Variants in TAX1BP1 observed in about 807,000 individuals in gnomAD.
TAX1BP1 encodes the protein Tax1 binding protein 1, also known as tax1-binding protein 1.
TAX1BP1 carries 62 observed loss-of-function variants against 97.7 expected under a neutral mutation model. That is an observed-to-expected ratio of 0.63 (90% CI 0.52 to 0.78). The LOEUF (loss-of-function observed/expected upper bound fraction) is 0.78. TAX1BP1 is among the 30% of genes least tolerant of loss of function. The pLI, the probability that TAX1BP1 is intolerant of heterozygous loss-of-function variation, is 0.00. For synonymous variants in TAX1BP1, 340 were observed against 304.2 expected, an observed-to-expected ratio of 1.12 and a Z score of -1.23; for missense variants, 867 against 916.1, an observed-to-expected ratio of 0.95 and a Z score of 0.69.
At chr7:27,748,873 C>T (rs918000431) in intron 2 of TAX1BP1, among the ~76,000 whole-genome samples, 187 bp downstream of exon 2, 10 of 152,132 alleles carry the variant, frequency 6.6e-5, no homozygotes, top group Non-Finnish European at 1.3e-4. Context: ...ACCAGATTTT[C>T]CTCTCCCTGA....
upstream of TAX1BP1, chr7:27,739,536 G>C (rs773984410): frequency 4.6e-5 from 7 of 152,144 alleles, no homozygotes; most frequent in Admixed American, 2.0e-4. Context: ...AAAATGATAC[G>C]GATAACAAAA....
chr7:27,820,921 A>G (rs530794377), intron 15 of TAX1BP1, among the ~76,000 whole-genome samples: 69 of 152,340 alleles, frequency 4.5e-4, no homozygotes, highest in African/African-American at 1.6e-3. Context: ...AGATTTTGGA[A>G]TATTTGCATT....
chr7:27,766,384 C>T (rs1198963745), intron 4 of TAX1BP1, among the ~76,000 whole-genome samples: 7 of 120,360 alleles, frequency 5.8e-5, no homozygotes, highest in African/African-American at 2.0e-4. Flanking sequence ...CGTGCCACTG[C>T]ACTCCAGCCT....
chr7:27,775,144 C>A (rs1225896987), intron 5 of TAX1BP1, among the ~76,000 whole-genome samples: 3 of 152,048 alleles, frequency 2.0e-5, no homozygotes, highest in Non-Finnish European at 4.4e-5. Flanking sequence ...GGTTATACAT[C>A]ATTACTGCCA....
intron 3 of TAX1BP1, among the ~76,000 whole-genome samples, chr7:27,759,579 A>G (rs1302490939): frequency 1.3e-5 from 2 of 151,364 alleles, no homozygotes; most frequent in African/African-American, 4.9e-5. Flanking sequence ...TGAGAACTTT[A>G]TTTGCCTTTA....
intron 5 of TAX1BP1, among the ~76,000 whole-genome samples, chr7:27,776,705 C>A (rs1367314323): frequency 6.7e-6 from 1 of 149,650 alleles, no homozygotes; most frequent in African/African-American, 2.5e-5. Flanking sequence ...AATTTTAGGC[C>A]ATTATTTCTT....
At chr7:27,793,876 C>A (rs188758951) in intron 10 of TAX1BP1, among the ~76,000 whole-genome samples, 4 of 152,170 alleles carry the variant, frequency 2.6e-5, no homozygotes, top group Non-Finnish European at 5.9e-5. Context: ...CTCTCTTTTA[C>A]TATGTGATGC....
intron 5 of TAX1BP1, among the ~76,000 whole-genome samples, chr7:27,773,896 A>G (rs1352431651): frequency 2.6e-5 from 4 of 152,014 alleles, no homozygotes; most frequent in African/African-American, 9.7e-5. Context: ...TTAGCTTATA[A>G]TTTTTTTGGA....
intron 3 of TAX1BP1, among the ~76,000 whole-genome samples, chr7:27,759,788 T>C (rs1272736050): frequency 6.6e-6 from 1 of 152,194 alleles, no homozygotes; most frequent in African/African-American, 2.4e-5. Context: ...AGATGAATGA[T>C]TTAAAATAAA....
At chr7:27,824,549 CAAAAAAAAAAA>C (rs34757943) in intron 15 of TAX1BP1, among the ~76,000 whole-genome samples, 1 of 91,632 alleles carries the variant, frequency 1.1e-5, no homozygotes, top group East Asian at 3.5e-4. Context: ...GACCTTGTCT[CAAAAAAAAAAA>C]AAAAAAAAAA....
intron 1 of TAX1BP1, among the ~76,000 whole-genome samples, chr7:27,741,194 G>A (rs1183052750): frequency 2.6e-5 from 4 of 152,212 alleles, no homozygotes; most frequent in Middle Eastern, 3.2e-3. Flanking sequence ...TCTGCATTCT[G>A]CTAATGTTAA....
chr7:27,742,550 A>G (rs904279742), intron 1 of TAX1BP1, among the ~76,000 whole-genome samples: 6 of 152,204 alleles, frequency 3.9e-5, no homozygotes, highest in Non-Finnish European at 5.9e-5. Context: ...ACAGAACAAA[A>G]TGGAGTCTCC....
At chr7:27,744,439 T>C (rs542796156) in intron 1 of TAX1BP1, among the ~76,000 whole-genome samples, 1 of 152,382 alleles carries the variant, frequency 6.6e-6, no homozygotes, top group Admixed American at 6.5e-5. Flanking sequence ...TTAGTATCTT[T>C]AAATGATAAA....
chr7:27,763,767 C>CAAAAAAAAAAAAAAAA (rs575118347), intron 3 of TAX1BP1, among the ~76,000 whole-genome samples: 1 of 118,778 alleles, frequency 8.4e-6, no homozygotes, highest in African/African-American at 3.2e-5. Context: ...GACTCTGTCT[C>CAAAAAAAAAAAAAAAA]AAAAAAAAAA....
chr7:27,826,395 T>G (rs943984088), intron 15 of TAX1BP1, among the ~76,000 whole-genome samples: 22 of 152,208 alleles, frequency 1.4e-4, no homozygotes, highest in African/African-American at 5.3e-4. Flanking sequence ...ATACTCATTT[T>G]GTCTTTTGTT....
At chr7:27,814,837 G>C (rs1342334160) in intron 13 of TAX1BP1, among the ~76,000 whole-genome samples, 1 of 151,992 alleles carries the variant, frequency 6.6e-6, no homozygotes, top group East Asian at 1.9e-4. Context: ...CCAGGTTCAA[G>C]CAATTCTTTC....
intron 13 of TAX1BP1, among the ~76,000 whole-genome samples, chr7:27,801,518 T>A (rs1790137586): frequency 6.6e-6 from 1 of 152,170 alleles, no homozygotes; most frequent in African/African-American, 2.4e-5. Context: ...GGAAAATGGT[T>A]TAGTAAATGT....
Position 27,769,868 on chromosome 7 carries a change from A to G in TAX1BP1, c.612+34A>G, listed in dbSNP as rs1037347176. On this transcript the variant is annotated intron_variant, in intron 5 of 16. Transcript: ENST00000396319. ...TGTCTTATGTAACTGATTGAAGTTG[A>G]TAGTATATTGCCTGAAACCCACCTT... 3.7e-6 allele frequency: 6 copies of G among 1,603,226 alleles called. No individual in the cohort carries two copies. The African/African-American group carries it at 5.4e-5, about 14-fold the overall frequency.
chr7:27,785,543 A>G lies in TAX1BP1; in HGVS notation c.852+54A>G, dbSNP rs896044134. On this transcript the variant is annotated intron_variant, in intron 7 of 16. Coordinates refer to ENST00000396319, the MANE Select transcript of TAX1BP1 (RefSeq NM_006024.7). ...CTGTTGCTTCAAAAGAAATGACCCC[A>G]GAACTTAGGGGCTGTAGGTCAGCAA... The G allele has an allele frequency of 1.6e-5, 23 of 1,461,834 alleles. No individual in the cohort carries two copies. The African/African-American group carries it at 2.7e-4, about 17-fold the overall frequency. 90.6% of individuals were successfully genotyped at this position (1,461,834 alleles called of 1,614,324 possible).
Sources: gnomAD v4.1 joint callset for allele counts (sites outside exome capture counted in the v4.1 genomes callset) on GRCh38, gnomAD v4.1.1 for gene constraint, MANE v1.5 for transcripts, NCBI Gene and HGNC (gene_info 2026-07-23, HGNC 2026-07-21) for gene names.